ZNF711: variants seen among roughly 807,000 people sequenced by gnomAD.
ZNF711 encodes zinc finger protein 711.
Under a neutral mutation model 43.5 loss-of-function variants are expected in ZNF711, and 3 were observed. That is an observed-to-expected ratio of 0.07 (90% CI 0.03 to 0.18). The LOEUF (loss-of-function observed/expected upper bound fraction) is 0.18. ZNF711 is among the 10% of genes least tolerant of loss of function. ZNF711 has a pLI of 1.00. For synonymous variants in ZNF711, 209 were observed against 207.7 expected (o/e 1.01, Z -0.06); for missense variants, 412 against 604.0 (o/e 0.68, Z 3.33).
chrX:85,254,863 T>A (rs1383018252), intron 4 of ZNF711, among the ~76,000 whole-genome samples: 11 of 109,723 alleles, frequency 1.0e-4, no homozygotes, highest in Non-Finnish European at 1.9e-4. Flanking sequence ...CGAGAGTGGC[T>A]GCTACTATTT....
chrX:85,255,787 A>G lies in ZNF711; in HGVS notation c.608A>G (p.Tyr203Cys). 2 of 1,209,929 alleles carry G rather than the reference A, an allele frequency of 1.7e-6. No individual in the cohort carries two copies. Among genetic ancestry groups the G allele is most frequent in the Non-Finnish European group, 1.1e-6 (1 of 894,803 alleles). Reference sequence around the variant, plus strand: ...GATGTCAAGAGCACTTCTGAAGACTACTTAATGATATCTTGTAAGTGAAAC... The same window carrying G: ...GATGTCAAGAGCACTTCTGAAGACTGCTTAATGATATCTTGTAAGTGAAAC... ...DDDVKSTSED[Y>C]LMISLDDVGE... Residue 203 changes from tyrosine to cysteine, a missense_variant, in exon 5 of 11, where the codon TAC (tyrosine) becomes TGC (cysteine). By Grantham distance (194) the Tyr-to-Cys change is radical (BLOSUM62 -2). Transcript: ENST00000674551.
chrX:85,247,179 C>G lies in ZNF711; in HGVS notation c.-36C>G. The G allele has an allele frequency of 3.3e-6, 1 of 303,503 alleles. No individual in the cohort carries two copies. The highest frequency in any genetic ancestry group is 5.7e-6 in the Non-Finnish European group (1 of 174,781). 25.0% of individuals were successfully genotyped at this position (303,503 alleles called of 1,213,427 possible). On this transcript the variant is annotated 5_prime_UTR_variant, in exon 3 of 11. Coordinates refer to ENST00000674551, the MANE Select transcript of ZNF711 (RefSeq NM_001330574.2). ...TTCACTAATACTAGACATCTGAGTC[C>G]TCTAGTAATGTATAAATATCCTAAC...
At chrX:85,253,030 T>G (rs959760734) in intron 4 of ZNF711, among the ~76,000 whole-genome samples, 3 of 112,125 alleles carry the variant, frequency 2.7e-5, no homozygotes, top group African/African-American at 9.7e-5. Flanking sequence ...GGATGATTTC[T>G]TGTAGATAAT....
intron 7 of ZNF711, among the ~76,000 whole-genome samples, chrX:85,267,008 A>G: frequency 9.2e-6 from 1 of 109,244 alleles, no homozygotes; most frequent in Non-Finnish European, 1.9e-5. Context: ...AAGATCATTC[A>G]GTATATTTCA....
chrX:85,262,614 A>C (rs1376301615), intron 5 of ZNF711, among the ~76,000 whole-genome samples: 1 of 107,900 alleles, frequency 9.3e-6, no homozygotes, highest in Non-Finnish European at 1.9e-5. Context: ...TTTAATTTGT[A>C]CCATTGTCAA....
intron 4 of ZNF711, 71 bp downstream of exon 4, chrX:85,247,722 T>G: frequency 1.2e-6 from 1 of 833,786 alleles, no homozygotes; most frequent in Non-Finnish European, 1.8e-6. Context: ...AAAAATAAGT[T>G]GAGGAAGGGG....
chrX:85,266,398 G>T (rs1931095114), intron 7 of ZNF711, among the ~76,000 whole-genome samples: 1 of 111,149 alleles, frequency 9.0e-6, no homozygotes, highest in Non-Finnish European at 1.9e-5. Flanking sequence ...GAAGATTGAG[G>T]TTTAAGTTAA....
intron 7 of ZNF711, 87 bp from the exon 8 acceptor site, chrX:85,267,191 A>G (rs1931165748): frequency 1.3e-6 from 1 of 765,593 alleles, no homozygotes; most frequent in African/African-American, 2.2e-5. Context: ...CTGAAATTTG[A>G]AAGTTGAAAG....
At chrX:85,253,412 ACG>A (rs1929720749) in intron 4 of ZNF711, among the ~76,000 whole-genome samples, 3 of 111,579 alleles carry the variant, frequency 2.7e-5, no homozygotes, top group Admixed American at 1.9e-4. Context: ...GTATCCTTTT[ACG>A]TTTTTGTGCC....
At position 85,272,535 on chromosome X, in the gene ZNF711, A is replaced by G. The variant is rs964448135; in HGVS notation, c.*707A>G. The G allele has an allele frequency of 1.8e-5, 2 of 112,138 alleles. No individual in the cohort carries two copies. The highest frequency in any genetic ancestry group is 5.6e-4 in the East Asian group (2 of 3,569). 9.2% of individuals were successfully genotyped at this position (112,138 alleles called of 1,213,427 possible). On this transcript the variant is annotated 3_prime_UTR_variant, in exon 11 of 11. Transcript: ENST00000674551. ...AGTTGATTGTTGTTCAGTATGGCAT[A>G]TATGACAAAAGTATATTTGAGTCAA...
chrX:85,255,138 GATTT>G (rs1930004848), intron 4 of ZNF711, 117 bp from the exon 5 acceptor site: 3 of 689,937 alleles, frequency 4.3e-6, no homozygotes, highest in Non-Finnish European at 6.4e-6. Context: ...TTTAAAAAAT[GATTT>G]ATTTGGCCAA....
intron 5 of ZNF711, among the ~76,000 whole-genome samples, chrX:85,258,631 G>C (rs1350518476): frequency 9.1e-6 from 1 of 110,014 alleles, no homozygotes. Flanking sequence ...ATGTCTCTGT[G>C]GTTTTGATTT....
rs1931656498 is a variant in ZNF711 at position 85,272,721 on chromosome X, C to T, written c.*893C>T. The T allele has an allele frequency of 9.0e-6, 1 of 111,586 alleles. No homozygotes were observed. Among genetic ancestry groups the T allele is most frequent in the South Asian group, 3.7e-4 (1 of 2,675 alleles). The allele number at this position is 111,586 out of a possible 1,213,427, so 9.2% of individuals were successfully genotyped here. On this transcript the variant is annotated 3_prime_UTR_variant, in exon 11 of 11. Transcript: ENST00000674551. ...TCTTAGCAAGTATGATTGTTCTAGT[C>T]TTACTTGCTCTAATGTTTAAAGGTG...
chrX:85,254,938 A>G (rs1244609436), intron 4 of ZNF711, among the ~76,000 whole-genome samples: 3 of 111,905 alleles, frequency 2.7e-5, no homozygotes, highest in Admixed American at 1.9e-4. Flanking sequence ...CTATGGTGCT[A>G]TCACTGTTTT....
chrX:85,264,881 G>T (rs1277387549), intron 6 of ZNF711, among the ~76,000 whole-genome samples: 1 of 110,793 alleles, frequency 9.0e-6, no homozygotes. Context: ...GGGTAAATAT[G>T]TATAAAAGAC....
intron 5 of ZNF711, among the ~76,000 whole-genome samples, chrX:85,263,767 A>G (rs972294844): frequency 1.8e-5 from 2 of 111,087 alleles, no homozygotes; most frequent in Non-Finnish European, 3.8e-5. Context: ...AATTAAAGCT[A>G]TATGGTTAAG....
intron 7 of ZNF711, among the ~76,000 whole-genome samples, 181 bp downstream of exon 7, chrX:85,265,436 A>G (rs1178144099): frequency 1.8e-5 from 2 of 111,260 alleles, no homozygotes; most frequent in Non-Finnish European, 3.8e-5. Flanking sequence ...TTGTACATGT[A>G]TTGTTCAAAT....
Position 85,271,009 on chromosome X carries a change from A to T in ZNF711, c.1605A>T (p.Gly535=). 5.0e-6 allele frequency: 6 copies of T among 1,211,086 alleles called. No homozygotes were observed. Among genetic ancestry groups the T allele is most frequent in the Non-Finnish European group, 6.7e-6 (6 of 895,196 alleles). ...KYCDYETAEQ[G]LLNRHLLAVH... ...GTGACTATGAAACTGCAGAACAAGG[A>T]CTGTTAAACAGGCATTTGTTGGCCG... The change falls in exon 11 of 11, where the codon GGA becomes GGT. Residue 535 remains glycine (G), a synonymous_variant. Transcript: ENST00000674551.
chrX:85,255,228 T>C (rs1434105640), intron 4 of ZNF711, 31 bp from the exon 5 acceptor site: 1 of 1,180,410 alleles, frequency 8.5e-7, no homozygotes, highest in Non-Finnish European at 1.2e-6. Context: ...AAAATAACTT[T>C]ACCTTTTTTG....
Sources: gnomAD v4.1 joint callset for allele counts (sites outside exome capture counted in the v4.1 genomes callset) on GRCh38, gnomAD v4.1.1 for gene constraint, MANE v1.5 for transcripts, NCBI Gene and HGNC (gene_info 2026-07-23, HGNC 2026-07-21) for gene names.